Variants in DIAPH2 observed in about 807,000 individuals in gnomAD.
The protein encoded by DIAPH2 is diaphanous related formin 2.
A neutral mutation model predicts 92.7 loss-of-function variants in DIAPH2; 35 were observed. The observed-to-expected ratio is 0.38, with a 90% CI of 0.29 to 0.50. DIAPH2 has a LOEUF of 0.50. Among genes scored for constraint, DIAPH2 ranks in the 20% least tolerant of loss-of-function variants. The pLI, the probability that DIAPH2 is intolerant of heterozygous loss-of-function variation, is 0.94. For synonymous variants in DIAPH2, 301 were observed against 280.4 expected (o/e 1.07, Z -0.73); for missense variants, 701 against 819.5 (o/e 0.86, Z 1.77).
At chrX:97,573,605 A>C (rs369044722) in intron 26 of DIAPH2, among the ~76,000 whole-genome samples, 48 of 110,324 alleles carry the variant, frequency 4.4e-4, no homozygotes, top group East Asian at 3.1e-3. Flanking sequence ...CTTTTTCTTC[A>C]TAAAATAAAA....
intron 1 of DIAPH2, among the ~76,000 whole-genome samples, chrX:96,729,673 A>G (rs1037274824): frequency 8.9e-6 from 1 of 112,484 alleles, no homozygotes; most frequent in Non-Finnish European, 1.9e-5. Flanking sequence ...TCTCTTATAG[A>G]TAAATATTTT....
At chrX:96,888,414 A>G (rs1426003364) in intron 5 of DIAPH2, among the ~76,000 whole-genome samples, 1 of 107,384 alleles carries the variant, frequency 9.3e-6, no homozygotes, top group Non-Finnish European at 1.9e-5. Flanking sequence ...GATGACATAT[A>G]GGCATTTTTA....
chrX:97,098,584 C>A (rs1348039076), intron 19 of DIAPH2, among the ~76,000 whole-genome samples: 1 of 112,457 alleles, frequency 8.9e-6, no homozygotes, highest in Non-Finnish European at 1.9e-5. Context: ...GCCACCACGC[C>A]CGGCTAATTT....
At chrX:97,487,614 A>T (rs185614942) in intron 26 of DIAPH2, among the ~76,000 whole-genome samples, 1 of 111,777 alleles carries the variant, frequency 8.9e-6, no homozygotes, top group Admixed American at 9.5e-5. Context: ...GGATTACTGG[A>T]TCTTCTGGTA....
At position 97,599,610 on chromosome X, in the gene DIAPH2, G is replaced by T. The variant is rs2071579373; in HGVS notation, c.*293G>T. The T allele has an allele frequency of 6.4e-6, 1 of 157,134 alleles. No individual in the cohort carries two copies. The highest frequency in any genetic ancestry group is 1.3e-4 in the South Asian group (1 of 7,664). The allele number at this position is 157,134 out of a possible 1,213,427, so 12.9% of individuals were successfully genotyped here. On this transcript the variant is annotated 3_prime_UTR_variant, in exon 27 of 27. Coordinates refer to ENST00000324765, the MANE Select transcript of DIAPH2 (RefSeq NM_006729.5). ...TGTGATGATGGAAGTGTAAGAAATT[G>T]AAGAGTTCTAAGGCTTTCAAAAACA...
At chrX:97,487,656 T>C (rs2070698381) in intron 26 of DIAPH2, among the ~76,000 whole-genome samples, 1 of 112,271 alleles carries the variant, frequency 8.9e-6, no homozygotes, top group African/African-American at 3.2e-5. Flanking sequence ...GGAAGCTTCA[T>C]ACTCTTTTCC....
intron 26 of DIAPH2, among the ~76,000 whole-genome samples, chrX:97,587,034 C>T (rs1391774274): frequency 8.9e-6 from 1 of 112,230 alleles, no homozygotes; most frequent in East Asian, 2.8e-4. Context: ...TACATAGTAC[C>T]TGCCTTGAAA....
At chrX:96,688,553 T>A (rs1004889525) in intron 1 of DIAPH2, among the ~76,000 whole-genome samples, 6 of 111,659 alleles carry the variant, frequency 5.4e-5, no homozygotes, top group Non-Finnish European at 1.1e-4. Flanking sequence ...GCCAGGCTGG[T>A]CTTGAATTCT....
intron 26 of DIAPH2, among the ~76,000 whole-genome samples, chrX:97,432,909 C>T (rs1466592219): frequency 3.6e-5 from 4 of 112,251 alleles, no homozygotes; most frequent in Non-Finnish European, 7.5e-5. Context: ...AGGTGTGAGC[C>T]ACTGTGCCCG....
intron 17 of DIAPH2, among the ~76,000 whole-genome samples, chrX:97,048,429 AT>A (rs2147892174): frequency 8.9e-6 from 1 of 111,942 alleles, no homozygotes; most frequent in Non-Finnish European, 1.9e-5. Flanking sequence ...GTGATACTAT[AT>A]GAGGTATACA....
chrX:97,186,095 A>C (rs1421396990), intron 22 of DIAPH2, among the ~76,000 whole-genome samples: 1 of 111,397 alleles, frequency 9.0e-6, no homozygotes, highest in Non-Finnish European at 1.9e-5. Context: ...TAATTGTAAG[A>C]TTTTCATTTA....
intron 3 of DIAPH2, among the ~76,000 whole-genome samples, chrX:96,747,989 G>A (rs1234149353): frequency 2.7e-5 from 3 of 111,560 alleles, no homozygotes; most frequent in Non-Finnish European, 5.6e-5. Context: ...AATGCCAGAA[G>A]CATTTCTAGA....
intron 9 of DIAPH2, among the ~76,000 whole-genome samples, chrX:96,927,282 AT>A (rs5903060): frequency 0.011 from 918 of 82,079 alleles, 4 homozygotes; most frequent in African/African-American, 0.024. Flanking sequence ...CTGGAGTTGA[AT>A]TTTTTTTTTT....
At chrX:97,426,316 G>A (rs1482005105) in intron 25 of DIAPH2, among the ~76,000 whole-genome samples, 7 of 98,378 alleles carry the variant, frequency 7.1e-5, no homozygotes, top group Admixed American at 3.5e-4. Flanking sequence ...ATGGAGTCTC[G>A]CCCTGTCACC....
At chrX:97,270,923 A>G (rs2068381196) in intron 23 of DIAPH2, among the ~76,000 whole-genome samples, 1 of 110,637 alleles carries the variant, frequency 9.0e-6, no homozygotes, top group Non-Finnish European at 1.9e-5. Flanking sequence ...TGGGGTGCCT[A>G]TTGTGTGCAA....
intron 7 of DIAPH2, 117 bp from the exon 8 acceptor site, chrX:96,916,321 A>C (rs1209492473): frequency 3.4e-6 from 2 of 594,423 alleles, no homozygotes; most frequent in Admixed American, 5.4e-5. Context: ...TCATATAATT[A>C]GGTAGAACCT....
intron 23 of DIAPH2, among the ~76,000 whole-genome samples, chrX:97,302,596 G>A (rs1374045106): frequency 9.0e-6 from 1 of 111,702 alleles, no homozygotes; most frequent in Non-Finnish European, 1.9e-5. Flanking sequence ...CTCTGAGGAG[G>A]CAGTGTAACT....
chrX:97,400,833 A>G (rs777422847), intron 25 of DIAPH2, among the ~76,000 whole-genome samples: 3 of 111,306 alleles, frequency 2.7e-5, no homozygotes, highest in Non-Finnish European at 3.8e-5. Flanking sequence ...ACCTTAGAAC[A>G]AGACAGTAGG....
chrX:96,751,702 G>A (rs2064192990), intron 3 of DIAPH2, among the ~76,000 whole-genome samples: 1 of 55,302 alleles, frequency 1.8e-5, no homozygotes, highest in African/African-American at 6.8e-5. Context: ...CGCCCAGGCT[G>A]GAGTGCAGTG....
Sources: allele counts gnomAD v4.1 joint callset (sites outside exome capture counted in the v4.1 genomes callset), GRCh38; gene constraint gnomAD v4.1.1; transcripts MANE v1.5; gene names NCBI Gene and HGNC (gene_info 2026-07-23, HGNC 2026-07-21).